The following CGGBP1 variants were observed in gnomAD, a reference collection of about 807,000 sequenced individuals.
CGGBP1 encodes CGG triplet repeat binding protein 1.
A neutral mutation model predicts 11.4 loss-of-function variants in CGGBP1; 4 were observed. The observed-to-expected ratio is 0.35, with a 90% CI of 0.17 to 0.80. The LOEUF (loss-of-function observed/expected upper bound fraction) is 0.80, where lower values mean the gene tolerates loss of function less well. Among genes scored for constraint, CGGBP1 ranks in the 30% least tolerant of loss-of-function variants. The pLI is 0.52. For synonymous variants in CGGBP1, 76 were observed against 74.1 expected (o/e 1.03, Z -0.13); for missense variants, 135 against 202.1 (o/e 0.67, Z 2.01).
intron 2 of CGGBP1, chr3:88,128,970 T>C: frequency 1.3e-6 from 2 of 1,535,058 alleles, no homozygotes; most frequent in Non-Finnish European, 1.7e-6. Context: ...ACTCTTCACA[T>C]GTCTGTTTAT....
chr3:88,130,055 C>G (rs933071812), intron 2 of CGGBP1, among the ~76,000 whole-genome samples: 1 of 152,092 alleles, frequency 6.6e-6, no homozygotes, highest in African/African-American at 2.4e-5. Flanking sequence ...TATAATGAAA[C>G]AGTGGTTTGA....
intron 2 of CGGBP1, among the ~76,000 whole-genome samples, chr3:88,136,317 C>T (rs1706781364): frequency 6.6e-6 from 1 of 152,032 alleles, no homozygotes; most frequent in Non-Finnish European, 1.5e-5. Flanking sequence ...TGGGGTAAAC[C>T]TGCAAATATA....
intron 2 of CGGBP1, among the ~76,000 whole-genome samples, chr3:88,117,655 A>G (rs779554178): frequency 6.6e-6 from 1 of 152,214 alleles, no homozygotes; most frequent in Non-Finnish European, 1.5e-5. Context: ...TGAAGAATCC[A>G]TTAATGTCTA....
intron 2 of CGGBP1, among the ~76,000 whole-genome samples, chr3:88,114,197 G>A (rs991387557): frequency 3.3e-5 from 5 of 152,088 alleles, no homozygotes; most frequent in African/African-American, 1.2e-4. Context: ...ATGAAAAATT[G>A]ACAGATTCCT....
chr3:88,106,717 A>T (rs1704762831), intron 2 of CGGBP1, among the ~76,000 whole-genome samples: 1 of 151,634 alleles, frequency 6.6e-6, no homozygotes, highest in South Asian at 2.1e-4. Flanking sequence ...GTAGATTTTT[A>T]AAATGTAATT....
At chr3:88,142,436 TGAAAG>T (rs1394126642) in intron 1 of CGGBP1, 1 of 152,280 alleles carries the variant, frequency 6.6e-6, no homozygotes, top group African/African-American at 2.4e-5. Context: ...TGGGGAGAGA[TGAAAG>T]GAATCTAAGA....
At chr3:88,101,910 G>A (rs1214508687) in intron 2 of CGGBP1, among the ~76,000 whole-genome samples, 1 of 152,020 alleles carries the variant, frequency 6.6e-6, no homozygotes, top group Admixed American at 6.6e-5. Context: ...CAGTCCTGTC[G>A]TTGGTAAGCA....
rs1349337096 is a variant in CGGBP1, at chr3:88,118,195, T to C, written c.-229+22775A>G. On this transcript the variant is annotated intron_variant, in intron 2 of 3. Transcript: ENST00000462901. ...AGCCAGTATATAAGTCGCAAAGATCTTTTTTGTTCAGGCTAGAAGTAGGCC... is the reference window on the plus strand; with the variant it reads ...AGCCAGTATATAAGTCGCAAAGATCCTTTTTGTTCAGGCTAGAAGTAGGCC... Among the ~76,000 whole-genome samples, 4 of 152,112 alleles carry C rather than the reference T, an allele frequency of 2.6e-5. No homozygotes were observed. In the South Asian group the frequency reaches 8.3e-4, roughly 31 times the overall value.
At chr3:88,127,548 T>C (rs981824048) in intron 2 of CGGBP1, among the ~76,000 whole-genome samples, 1 of 151,824 alleles carries the variant, frequency 6.6e-6, no homozygotes, top group Non-Finnish European at 1.5e-5. Context: ...GGTGACAGAC[T>C]AGAGGAAATT....
rs1163618029 is a variant in CGGBP1 at position 88,078,908 on chromosome 3, A to AT, written c.-228-20686dup. ...TGGTTCTATTATAAATTCTCTGTGA[A>AT]TTTTTTTTTGTATACAACTTTGATG... On this transcript the variant is annotated intron_variant, in intron 2 of 3. Coordinates refer to the CGGBP1 transcript ENST00000462901. Among the ~76,000 whole-genome samples the AT allele has an allele frequency of 3.1e-3, 464 of 151,640 alleles. 5 individuals carry two copies. The highest frequency in any genetic ancestry group is 0.01 in the African/African-American group (429 of 41,406).
At chr3:88,138,697 T>C (rs914070443) in intron 2 of CGGBP1, 1 of 1,231,302 alleles carries the variant, frequency 8.1e-7, no homozygotes, top group African/African-American at 1.6e-5. Flanking sequence ...ATATTTTTCT[T>C]TTTACAGGTT....
chr3:88,139,623 G>C (rs762327231), intron 2 of CGGBP1: 5 of 1,613,478 alleles, frequency 3.1e-6, no homozygotes, highest in Non-Finnish European at 4.2e-6. Context: ...AGGAAACAAA[G>C]AAGTCATCCC....
At chr3:88,057,967 T>C (rs987572728) in intron 2 of CGGBP1, 52 bp downstream of exon 2, 1 of 152,178 alleles carries the variant, frequency 6.6e-6, no homozygotes, top group African/African-American at 2.4e-5. Flanking sequence ...AAGCATATCG[T>C]TTGCTAGATC....
intron 1 of CGGBP1, among the ~76,000 whole-genome samples, chr3:88,141,281 C>T (rs1707113792): frequency 1.3e-5 from 2 of 152,036 alleles, no homozygotes; most frequent in Admixed American, 1.3e-4. Flanking sequence ...AGGGCTTTGC[C>T]TATGAACTTG....
chr3:88,117,277 A>G (rs572405213), intron 2 of CGGBP1, among the ~76,000 whole-genome samples: 2 of 152,332 alleles, frequency 1.3e-5, no homozygotes, highest in South Asian at 4.1e-4. Context: ...TTTTGGGGAT[A>G]AAGGAAAGTT....
In CGGBP1 at chr3:88,129,754, C is replaced by G. The variant is rs554418385; in HGVS notation, c.-229+11216G>C. On this transcript the variant is annotated intron_variant, in intron 2 of 3. Coordinates refer to the CGGBP1 transcript ENST00000462901. Reference sequence around the variant, plus strand: ...TGTAATGCTGAAAAAGAAGGCAAAACTATGTTAGCCTTGCAACTCTGTGAA... The same window carrying G: ...TGTAATGCTGAAAAAGAAGGCAAAAGTATGTTAGCCTTGCAACTCTGTGAA... 4.4e-5 allele frequency: 67 copies of G among 1,528,348 alleles called. 2 individuals are homozygous for G. In the Middle Eastern group the frequency reaches 5.0e-4, roughly 11 times the overall value. 94.7% of individuals were successfully genotyped at this position (1,528,348 alleles called of 1,614,324 possible).
At chr3:88,071,513 G>T (rs1707509165) in intron 2 of CGGBP1, among the ~76,000 whole-genome samples, 1 of 152,208 alleles carries the variant, frequency 6.6e-6, no homozygotes, top group African/African-American at 2.4e-5. Flanking sequence ...GGGCGCGGTA[G>T]CGGGCGCCTG....
At chr3:88,066,018 G>A (rs186474319) in intron 2 of CGGBP1, among the ~76,000 whole-genome samples, 325 of 152,330 alleles carry the variant, frequency 2.1e-3, no homozygotes, top group Middle Eastern at 0.014. Flanking sequence ...ACAGGCATGA[G>A]CTACCGCGCC....
intron 2 of CGGBP1, chr3:88,138,584 G>A (rs1706944226): frequency 1.9e-6 from 1 of 518,050 alleles, no homozygotes; most frequent in Admixed American, 4.4e-5. Context: ...ATGGAAAATT[G>A]GACATTGGAA....
Sources: allele counts gnomAD v4.1 joint callset (sites outside exome capture counted in the v4.1 genomes callset), GRCh38; gene constraint gnomAD v4.1.1; transcripts MANE v1.5; gene names NCBI Gene and HGNC (gene_info 2026-07-23, HGNC 2026-07-21).